Variants in CPEB3 observed in about 807,000 individuals in gnomAD.
CPEB3 encodes cytoplasmic polyadenylation element-binding protein 3.
In CPEB3, 20 loss-of-function variants were observed where a neutral mutation model predicts 67.2. That is an observed-to-expected ratio of 0.30 (90% CI 0.21 to 0.43). The LOEUF is 0.43. Ranked by LOEUF, CPEB3 falls within the 20% of genes least tolerant of loss-of-function variation. The pLI is 1.00. For missense variants in CPEB3, 746 were observed against 968.6 expected (o/e 0.77, Z 3.05); for synonymous variants, 376 against 393.1 (o/e 0.96, Z 0.51).
At chr10:92,285,936 T>C (rs1842506181) in intron 1 of CPEB3, among the ~76,000 whole-genome samples, 1 of 149,730 alleles carries the variant, frequency 6.7e-6, no homozygotes. Flanking sequence ...CTCTGTTTTA[T>C]TTGCTTTTTT....
chr10:92,059,460 C>T (rs1457370049), intron 9 of CPEB3, among the ~76,000 whole-genome samples: 2 of 151,244 alleles, frequency 1.3e-5, no homozygotes, highest in African/African-American at 4.9e-5. Context: ...CACAACATAC[C>T]AAAACCTATG....
At chr10:92,249,341 T>C (rs555966029) in intron 1 of CPEB3, among the ~76,000 whole-genome samples, 2 of 148,602 alleles carry the variant, frequency 1.3e-5, no homozygotes, top group African/African-American at 5.0e-5. Flanking sequence ...ATCGTGCCAC[T>C]GCACTCCAGT....
chr10:92,114,545 C>T (rs904877384), intron 6 of CPEB3, among the ~76,000 whole-genome samples: 1 of 152,222 alleles, frequency 6.6e-6, no homozygotes, highest in African/African-American at 2.4e-5. Flanking sequence ...GTGATAATAA[C>T]AGCTAATAGC....
chr10:92,185,253 T>C (rs577536118), intron 3 of CPEB3, among the ~76,000 whole-genome samples: 4 of 152,270 alleles, frequency 2.6e-5, no homozygotes, highest in African/African-American at 9.6e-5. Flanking sequence ...TAGTGTAAAA[T>C]GTAAGATTTC....
chr10:92,159,410 G>A (rs1847359204), intron 4 of CPEB3, among the ~76,000 whole-genome samples: 2 of 151,534 alleles, frequency 1.3e-5, no homozygotes, highest in Admixed American at 6.6e-5. Flanking sequence ...AGTGGCTCAC[G>A]TTTGTAATCC....
At chr10:92,206,505 T>G (rs1849798088) in intron 2 of CPEB3, among the ~76,000 whole-genome samples, 1 of 152,086 alleles carries the variant, frequency 6.6e-6, no homozygotes, top group East Asian at 1.9e-4. Flanking sequence ...AGCCTCCAGC[T>G]CCTGGGTTCA....
chr10:92,110,054 G>A (rs544898875), intron 7 of CPEB3, among the ~76,000 whole-genome samples: 2 of 152,188 alleles, frequency 1.3e-5, no homozygotes, highest in South Asian at 2.1e-4. Context: ...CCATCTTCCA[G>A]GTGAGGAAAC....
intron 2 of CPEB3, among the ~76,000 whole-genome samples, chr10:92,222,047 C>T (rs1850726645): frequency 6.6e-6 from 1 of 152,122 alleles, no homozygotes; most frequent in South Asian, 2.1e-4. Context: ...ACTTACCTGA[C>T]TTTCCAGATT....
intron 9 of CPEB3, among the ~76,000 whole-genome samples, chr10:92,064,892 C>T (rs1052668476): frequency 2.0e-5 from 3 of 152,184 alleles, no homozygotes; most frequent in African/African-American, 7.2e-5. Flanking sequence ...GAATTATATT[C>T]ATTAAAGAGG....
intron 9 of CPEB3, among the ~76,000 whole-genome samples, chr10:92,076,978 G>A (rs560297278): frequency 9.2e-5 from 14 of 152,254 alleles, no homozygotes; most frequent in African/African-American, 3.4e-4. Flanking sequence ...TGTTTACACA[G>A]GTGGACATGT....
chr10:92,122,386 G>A (rs966841664), intron 6 of CPEB3, among the ~76,000 whole-genome samples: 4 of 152,200 alleles, frequency 2.6e-5, no homozygotes, highest in South Asian at 2.1e-4. Flanking sequence ...ATTGAGAGTG[G>A]TGGGTGGTAA....
chr10:92,073,035 TGTC>T (rs1842807626), intron 9 of CPEB3, among the ~76,000 whole-genome samples: 2 of 142,150 alleles, frequency 1.4e-5, no homozygotes, highest in Non-Finnish European at 3.0e-5. Context: ...CATGAATCTC[TGTC>T]TTTTTTTTTT....
intron 1 of CPEB3, among the ~76,000 whole-genome samples, chr10:92,252,728 C>G (rs1269609954): frequency 6.6e-6 from 1 of 151,878 alleles, no homozygotes; most frequent in Non-Finnish European, 1.5e-5. Flanking sequence ...CCGTGTTGCC[C>G]AGGCTCATCT....
chr10:92,241,410 T>TGCTG (rs1851848259), intron 1 of CPEB3, among the ~76,000 whole-genome samples: 1 of 152,220 alleles, frequency 6.6e-6, no homozygotes. Flanking sequence ...TGAATCCTCC[T>TGCTG]GCTGCTGTCT....
intron 1 of CPEB3, among the ~76,000 whole-genome samples, chr10:92,279,457 T>C (rs1341206487): frequency 6.6e-6 from 1 of 152,200 alleles, no homozygotes; most frequent in Non-Finnish European, 1.5e-5. Flanking sequence ...TCGTCCCCCC[T>C]TGATAATCCA....
At position 92,049,414 on chromosome 10, in the gene CPEB3, A is replaced by G. The variant is rs189560774; in HGVS notation, c.*2798T>C. 3 of 152,468 alleles carry G rather than the reference A, an allele frequency of 2.0e-5. No homozygotes were observed. Among genetic ancestry groups the G allele is most frequent in the Non-Finnish European group, 2.9e-5 (2 of 68,026 alleles). The allele number at this position is 152,468 out of a possible 1,614,324, so 9.4% of individuals were successfully genotyped here. On this transcript the variant is annotated 3_prime_UTR_variant, in exon 10 of 10. Coordinates refer to ENST00000265997, the MANE Select transcript of CPEB3 (RefSeq NM_014912.5). ...GAACACCTCTGTGTTTTAAAAAATA[A>G]TTTTTTTGAAGGACCCTCTCTTTTA...
intron 3 of CPEB3, among the ~76,000 whole-genome samples, chr10:92,183,862 C>A (rs1204845117): frequency 6.6e-6 from 1 of 152,152 alleles, no homozygotes; most frequent in South Asian, 2.1e-4. Context: ...TATTTGACTT[C>A]TTTTCTTTCC....
At chr10:92,055,293 G>T (rs1328917879) in intron 9 of CPEB3, among the ~76,000 whole-genome samples, 2 of 152,196 alleles carry the variant, frequency 1.3e-5, no homozygotes, top group Non-Finnish European at 2.9e-5. Context: ...CAGTATTTCA[G>T]ATGTGTCATG....
At chr10:92,076,985 A>G (rs1842961277) in intron 9 of CPEB3, among the ~76,000 whole-genome samples, 1 of 152,184 alleles carries the variant, frequency 6.6e-6, no homozygotes, top group African/African-American at 2.4e-5. Flanking sequence ...ACAGGTGGAC[A>G]TGTGCTCCTG....
Sources: gnomAD v4.1 joint callset for allele counts (sites outside exome capture counted in the v4.1 genomes callset) on GRCh38, gnomAD v4.1.1 for gene constraint, MANE v1.5 for transcripts, NCBI Gene and HGNC (gene_info 2026-07-23, HGNC 2026-07-21) for gene names.